Variants in PRKCE observed in about 807,000 individuals in gnomAD.
PRKCE encodes the protein protein kinase C epsilon.
A neutral mutation model predicts 85.4 loss-of-function variants in PRKCE; 16 were observed. The ratio of observed to expected loss-of-function variants is 0.19; its 90% CI spans 0.13 to 0.28. PRKCE has a LOEUF of 0.28. Among genes scored for constraint, PRKCE ranks in the 10% least tolerant of loss-of-function variants. The pLI is 1.00. For synonymous variants in PRKCE, 388 were observed against 371.5 expected (o/e 1.04, Z -0.51); for missense variants, 573 against 975.2 (o/e 0.59, Z 5.49).
chr2:45,666,401 C>T (rs1558537324), intron 1 of PRKCE, among the ~76,000 whole-genome samples: 1 of 151,916 alleles, frequency 6.6e-6, no homozygotes, highest in Non-Finnish European at 1.5e-5. Context: ...CTCATCCCTC[C>T]AGACATCCAG....
At chr2:45,792,426 T>C (rs547165301) in intron 1 of PRKCE, among the ~76,000 whole-genome samples, 15 of 152,300 alleles carry the variant, frequency 9.8e-5, no homozygotes, top group African/African-American at 3.6e-4. Context: ...CGATGAGTGC[T>C]CAGTAAATGC....
chr2:46,126,947 C>T (rs779378176), intron 11 of PRKCE, among the ~76,000 whole-genome samples: 1 of 152,202 alleles, frequency 6.6e-6, no homozygotes, highest in Non-Finnish European at 1.5e-5. Flanking sequence ...ACAGACTTGT[C>T]CTAGGTGAGC....
At chr2:45,981,631 C>T (rs1022739689) in intron 5 of PRKCE, among the ~76,000 whole-genome samples, 1 of 152,198 alleles carries the variant, frequency 6.6e-6, no homozygotes, top group Non-Finnish European at 1.5e-5. Context: ...CCTCCCGACT[C>T]CTGGTCTAGG....
Position 46,084,446 on chromosome 2 carries a change from G to A in PRKCE, c.1438-1762G>A, listed in dbSNP as rs183661375. ...TACCTATGTGTTAAAAATGTGAGCC[G>A]GGCACGGTGGCTCATGCCTATAATC... On this transcript the variant is annotated intron_variant, in intron 10 of 14. Coordinates refer to ENST00000306156, the MANE Select transcript of PRKCE (RefSeq NM_005400.3). Among the ~76,000 whole-genome samples, 211 of 152,182 alleles carry A rather than the reference G, an allele frequency of 1.4e-3. 1 individual carries two copies. The highest frequency in any genetic ancestry group is 4.6e-3 in the African/African-American group (192 of 41,530).
intron 2 of PRKCE, among the ~76,000 whole-genome samples, chr2:45,846,310 A>G (rs903199783): frequency 1.3e-5 from 2 of 152,212 alleles, no homozygotes; most frequent in Non-Finnish European, 2.9e-5. Flanking sequence ...TAATGTGGCA[A>G]TGCCCCATGA....
intron 1 of PRKCE, among the ~76,000 whole-genome samples, chr2:45,680,717 T>C (rs57401213): frequency 0.011 from 1,741 of 152,324 alleles, 17 homozygotes; most frequent in South Asian, 0.025. Context: ...AATGCACCTA[T>C]TGTAGAGTCT....
chr2:46,009,155 A>C (rs550793385), intron 9 of PRKCE, among the ~76,000 whole-genome samples: 1 of 152,362 alleles, frequency 6.6e-6, no homozygotes, highest in South Asian at 2.1e-4. Context: ...AGCTCTCTTG[A>C]AAAGGAATCA....
At chr2:46,071,597 A>C (rs1362772468) in intron 10 of PRKCE, among the ~76,000 whole-genome samples, 1 of 152,218 alleles carries the variant, frequency 6.6e-6, no homozygotes, top group Non-Finnish European at 1.5e-5. Flanking sequence ...AAGGATGAGG[A>C]AAGCTATAGG....
rs556697617 is a variant in PRKCE, at chr2:45,654,229, G to A, written c.348+1781G>A. ...AGAACAGATGTTGGTTGGAGGGAGA[G>A]TGTCTTTGTATCTCTGGTGATGCTT... is the stretch of plus-strand genomic sequence containing the variant. On this transcript the variant is annotated intron_variant, in intron 1 of 14. Transcript: ENST00000306156. Among the ~76,000 whole-genome samples the A allele has an allele frequency of 2.0e-5, 3 of 152,334 alleles. No homozygotes were observed. The East Asian group carries it at 5.8e-4, about 29-fold the overall frequency.
At chr2:46,011,392 C>G (rs1473303396) in intron 10 of PRKCE, among the ~76,000 whole-genome samples, 1 of 152,120 alleles carries the variant, frequency 6.6e-6, no homozygotes, top group African/African-American at 2.4e-5. Flanking sequence ...ACTTAAAATT[C>G]AATAGTTATT....
chr2:45,942,723 A>G (rs1573966959), intron 2 of PRKCE, among the ~76,000 whole-genome samples: 2 of 152,234 alleles, frequency 1.3e-5, no homozygotes, highest in Non-Finnish European at 2.9e-5. Context: ...TCTTGGAAAA[A>G]GTCACTTAAT....
chr2:45,976,648 G>A (rs1702473226), intron 3 of PRKCE, 60 bp downstream of exon 3: 4 of 1,560,948 alleles, frequency 2.6e-6, no homozygotes, highest in Non-Finnish European at 3.5e-6. Flanking sequence ...TGTCGGGGAT[G>A]GGGTAGGGGA....
At chr2:45,916,994 C>G (rs568161857) in intron 2 of PRKCE, among the ~76,000 whole-genome samples, 39 of 152,242 alleles carry the variant, frequency 2.6e-4, no homozygotes, top group Non-Finnish European at 2.5e-4. Context: ...TGAGCAGCAG[C>G]AGGATTTATT....
At position 45,786,752 on chromosome 2, in the gene PRKCE, C is replaced by T. The variant is rs985559985; in HGVS notation, c.349-56248C>T. On this transcript the variant is annotated intron_variant, in intron 1 of 14. Coordinates refer to ENST00000306156, the MANE Select transcript of PRKCE (RefSeq NM_005400.3). This position sits in a 1 kb window ranked among gnomAD's most constrained non-coding sequence, Gnocchi z 5.3. ...AGGCTCTGAGTGCTGTGTACAGCCT[C>T]TTGGCCACCTAATCCTCCAACAGTT... Among the ~76,000 whole-genome samples, 1 of 152,214 alleles carries T rather than the reference C, an allele frequency of 6.6e-6. No homozygotes were observed. Among genetic ancestry groups the T allele is most frequent in the Non-Finnish European group, 1.5e-5 (1 of 68,038 alleles).
intron 1 of PRKCE, 47 bp from the exon 2 acceptor site, chr2:45,842,953 G>C (rs748811220): frequency 9.8e-5 from 152 of 1,549,416 alleles, no homozygotes; most frequent in Non-Finnish European, 1.3e-4. Flanking sequence ...CTCTTAGGTT[G>C]CCCACACAAT....
chr2:46,145,275 C>T lies in PRKCE; in HGVS notation c.1731+44C>T. On this transcript the variant is annotated intron_variant, in intron 12 of 14. Transcript: ENST00000306156. This position sits in a 1 kb window ranked among gnomAD's most constrained non-coding sequence, Gnocchi z 4.6. ...GGTTCACCTCCTCCTGGTGCCAGGA[C>T]CGAGGCAGGGGTCCAAACCCATGCA... 1 of 1,597,086 alleles carries T rather than the reference C, an allele frequency of 6.3e-7. No individual in the cohort carries two copies. The highest frequency in any genetic ancestry group is 8.5e-7 in the Non-Finnish European group (1 of 1,178,398).
chr2:45,912,010 C>T (rs1697415842), intron 2 of PRKCE, among the ~76,000 whole-genome samples: 1 of 151,970 alleles, frequency 6.6e-6, no homozygotes, highest in South Asian at 2.1e-4. Context: ...AAAAAGTTTT[C>T]ATTTTTTTCT....
At chr2:45,920,270 G>T (rs1232957574) in intron 2 of PRKCE, among the ~76,000 whole-genome samples, 1 of 152,204 alleles carries the variant, frequency 6.6e-6, no homozygotes, top group Admixed American at 6.5e-5. Flanking sequence ...TGCACACTGA[G>T]GCCTCAGCTT....
rs1304332488 is a variant in PRKCE, at chr2:46,155,049, A to T, written c.1920+3820A>T. 6.6e-6 allele frequency among the ~76,000 whole-genome samples: 1 copy of T among 152,132 alleles called. No individual in the cohort carries two copies. The highest frequency in any genetic ancestry group is 6.5e-5 in the Admixed American group (1 of 15,276). On this transcript the variant is annotated intron_variant, in intron 13 of 14. Transcript: ENST00000306156. This position sits in a 1 kb window ranked among gnomAD's most constrained non-coding sequence, Gnocchi z 4.7. ...ATTTTATCACATATTTCAAAGTTAA[A>T]TGCCTGCAAGAGCCCAGCAGGAGCT...
Sources: allele counts gnomAD v4.1 joint callset (sites outside exome capture counted in the v4.1 genomes callset), GRCh38; gene constraint gnomAD v4.1.1; non-coding constraint Gnocchi (gnomAD v3.1); transcripts MANE v1.5; gene names NCBI Gene and HGNC (gene_info 2026-07-23, HGNC 2026-07-21).